Variants in ITCH observed in about 807,000 individuals in gnomAD.
ITCH encodes itchy E3 ubiquitin protein ligase.
A neutral mutation model predicts 126.8 loss-of-function variants in ITCH; 28 were observed. The ratio of observed to expected loss-of-function variants is 0.22; its 90% CI spans 0.16 to 0.30. ITCH has a LOEUF of 0.30. ITCH is among the 10% of genes least tolerant of loss of function. ITCH has a pLI of 1.00. For missense variants in ITCH, 631 were observed against 1,032.4 expected, an observed-to-expected ratio of 0.61 and a Z score of 5.33; for synonymous variants, 342 against 340.0, an observed-to-expected ratio of 1.01 and a Z score of -0.06.
chr20:34,493,006 A>T (rs541268500), intron 23 of ITCH, among the ~76,000 whole-genome samples: 1 of 152,336 alleles, frequency 6.6e-6, no homozygotes, highest in Admixed American at 6.5e-5. Flanking sequence ...TTCTTTGAGA[A>T]ATGGATTCAT....
chr20:34,485,928 C>T (rs1989074494), intron 20 of ITCH, among the ~76,000 whole-genome samples: 1 of 152,174 alleles, frequency 6.6e-6, no homozygotes, highest in African/African-American at 2.4e-5. Flanking sequence ...TTGCCTTAAG[C>T]TATCCTCCCA....
intron 1 of ITCH, among the ~76,000 whole-genome samples, chr20:34,366,280 A>C (rs572352843): frequency 3.3e-5 from 5 of 152,290 alleles, no homozygotes; most frequent in Admixed American, 3.3e-4. Context: ...GGTCTCACCC[A>C]GTCACGCAGG....
Position 34,480,749 on chromosome 20 carries a change from A to G in ITCH, c.1952+17A>G, listed in dbSNP as rs1160154809. Reference sequence around the variant, plus strand: ...CTGGGTTAAGTAAGTTTCTTTTTCCATGTAATTTATTAAAATATAGTTATA... The same window carrying G: ...CTGGGTTAAGTAAGTTTCTTTTTCCGTGTAATTTATTAAAATATAGTTATA... On this transcript the variant is annotated intron_variant, in intron 19 of 24. Coordinates refer to ENST00000374864, the MANE Select transcript of ITCH (RefSeq NM_031483.7). The G allele has an allele frequency of 4.5e-6, 7 of 1,568,074 alleles. No homozygotes were observed. In the South Asian group the frequency reaches 6.7e-5, roughly 15 times the overall value.
chr20:34,489,166 A>G, intron 20 of ITCH, 100 bp from the exon 21 acceptor site: 1 of 985,736 alleles, frequency 1.0e-6, no homozygotes, highest in East Asian at 2.7e-5. Flanking sequence ...TTTTGAATAT[A>G]TTTTAAGTTT....
intron 2 of ITCH, among the ~76,000 whole-genome samples, chr20:34,374,965 T>C (rs2037778319): frequency 6.6e-6 from 1 of 151,536 alleles, no homozygotes; most frequent in African/African-American, 2.4e-5. Context: ...GGTGTTGAAC[T>C]CCTGACCTCA....
At chr20:34,371,842 C>T (rs1003160431) in intron 2 of ITCH, among the ~76,000 whole-genome samples, 2 of 152,106 alleles carry the variant, frequency 1.3e-5, no homozygotes, top group African/African-American at 4.8e-5. Flanking sequence ...GGGCAGCTCA[C>T]TTAAATCTCC....
chr20:34,435,464 C>T (rs1019989463), intron 7 of ITCH, among the ~76,000 whole-genome samples: 15 of 152,026 alleles, frequency 9.9e-5, no homozygotes, highest in Admixed American at 5.9e-4. Context: ...CCACTGCAGC[C>T]GGCCGATTTC....
rs146383612 is a variant in ITCH at position 34,445,406 on chromosome 20, A to G, written c.1085A>G (p.Gln362Arg). 12 of 1,614,042 alleles carry G rather than the reference A, an allele frequency of 7.4e-6. No individual in the cohort carries two copies. The highest frequency in any genetic ancestry group is 9.3e-6 in the Non-Finnish European group (11 of 1,180,020). ...SVRNYEQWQL[Q>R]RSQLQGAMQQ... ...CGGAACTATGAACAATGGCAGCTAC[A>G]GCGTAGTCAGCTTCAAGGAGCAATG... The change falls in exon 11 of 25, where the codon CAG becomes CGG. Residue 362 changes from glutamine to arginine, a missense_variant. This residue lies in a region of ITCH where 390 missense variants were observed against 731.6 expected (regional missense o/e 0.53). Coordinates refer to ENST00000374864, the MANE Select transcript of ITCH (RefSeq NM_031483.7).
intron 2 of ITCH, among the ~76,000 whole-genome samples, chr20:34,392,335 A>C (rs2038517335): frequency 6.6e-6 from 1 of 152,224 alleles, no homozygotes; most frequent in African/African-American, 2.4e-5. Flanking sequence ...CATCTGAAAT[A>C]GTGTAATTTA....
rs199507930 is a variant in ITCH, at chr20:34,476,041, G to T, written c.1570-1731G>T. On this transcript the variant is annotated intron_variant, in intron 16 of 24. Coordinates refer to ENST00000374864, the MANE Select transcript of ITCH (RefSeq NM_031483.7). ...AGATTTGGCAGCCCAACTGTGATCT[G>T]TTAGTCCATATGCCAGATCGAGCAT... 174 of 1,437,848 alleles carry T rather than the reference G, an allele frequency of 1.2e-4. 2 individuals carry two copies. The South Asian group carries it at 1.8e-3, about 15-fold the overall frequency. 89.1% of individuals were successfully genotyped at this position (1,437,848 alleles called of 1,614,324 possible).
intron 3 of ITCH, among the ~76,000 whole-genome samples, chr20:34,405,447 A>G (rs1055840966): frequency 2.6e-5 from 4 of 152,064 alleles, no homozygotes; most frequent in East Asian, 3.9e-4. Flanking sequence ...GGAGGTTGCA[A>G]TGAGCTAAGA....
At chr20:34,496,430 T>C (rs1422950223) in intron 23 of ITCH, among the ~76,000 whole-genome samples, 1 of 152,246 alleles carries the variant, frequency 6.6e-6, no homozygotes, top group African/African-American at 2.4e-5. Flanking sequence ...TCCTTTGCTA[T>C]GCCAAAGCTT....
At chr20:34,386,539 C>T (rs2038290375) in intron 2 of ITCH, among the ~76,000 whole-genome samples, 1 of 152,166 alleles carries the variant, frequency 6.6e-6, no homozygotes. Flanking sequence ...TATACTTTAG[C>T]TCTTTGAACT....
chr20:34,365,733 C>G (rs747168341), intron 1 of ITCH, among the ~76,000 whole-genome samples: 32 of 152,264 alleles, frequency 2.1e-4, no homozygotes, highest in Non-Finnish European at 3.4e-4. Flanking sequence ...TACATCTTTT[C>G]ACTTATTGGG....
intron 14 of ITCH, among the ~76,000 whole-genome samples, chr20:34,466,898 A>ACT (rs2146398275): frequency 6.6e-6 from 1 of 152,356 alleles, no homozygotes; most frequent in South Asian, 2.1e-4. Flanking sequence ...AAGGCAAGTT[A>ACT]TTAAACCTAA....
intron 23 of ITCH, among the ~76,000 whole-genome samples, chr20:34,493,126 A>G (rs902225955): frequency 6.6e-6 from 1 of 152,218 alleles, no homozygotes; most frequent in Non-Finnish European, 1.5e-5. Context: ...CTTTGTTACT[A>G]AACAGTAAAT....
chr20:34,510,414 A>C lies in ITCH; in HGVS notation c.*2620A>C, dbSNP rs1020921679. The C allele has an allele frequency of 1.3e-5, 2 of 148,714 alleles. No individual in the cohort carries two copies. Among genetic ancestry groups the C allele is most frequent in the African/African-American group, 4.9e-5 (2 of 40,422 alleles). The allele number at this position is 148,714 out of a possible 1,614,324, so 9.2% of individuals were successfully genotyped here. A position where few individuals can be genotyped will look rare whatever the true frequency, so the allele number is the denominator to read the frequency against. ...GCTTTTAGAAGTCTTTTTCTTTGTA[A>C]GCATTGTAAATGCTAATAAATCCTG... On this transcript the variant is annotated 3_prime_UTR_variant, in exon 25 of 25. Coordinates refer to ENST00000374864, the MANE Select transcript of ITCH (RefSeq NM_031483.7).
At chr20:34,478,925 G>A (rs1425980074) in intron 17 of ITCH, among the ~76,000 whole-genome samples, 4 of 152,112 alleles carry the variant, frequency 2.6e-5, no homozygotes, top group Non-Finnish European at 5.9e-5. Flanking sequence ...CTTATCACAA[G>A]AGGCCATGAA....
chr20:34,440,154 G>A lies in ITCH; in HGVS notation c.680-1G>A. ...TCCTATTTTCCCCAAATCTTTTATA[G>A]CATCTGTCAATGGTTCACCATCTGC... On this transcript the variant is annotated splice_acceptor_variant, in intron 8 of 24. Transcript: ENST00000374864. LOFTEE classifies it high-confidence loss of function. 6.2e-7 allele frequency: 1 copy of A among 1,605,504 alleles called. No homozygotes were observed.
Sources: gnomAD v4.1 joint callset for allele counts (sites outside exome capture counted in the v4.1 genomes callset) on GRCh38, gnomAD v4.1.1 for gene constraint, gnomAD v4.1.1 regional missense constraint, MANE v1.5 for transcripts, NCBI Gene and HGNC (gene_info 2026-07-23, HGNC 2026-07-21) for gene names.